DHX16: variants seen among roughly 807,000 people sequenced by gnomAD.
DHX16 encodes DEAH-box helicase 16.
DHX16 carries 81 observed loss-of-function variants against 131.2 expected under a neutral mutation model. That is an observed-to-expected ratio of 0.62 (90% CI 0.52 to 0.74). DHX16 has a LOEUF of 0.74. Among genes scored for constraint, DHX16 ranks in the 30% least tolerant of loss-of-function variants. The probability of loss-of-function intolerance (pLI) is 0.00; values close to 1 mark genes in which losing one functional copy is unlikely to be tolerated. For missense variants in DHX16, 980 were observed against 1,363.1 expected, an observed-to-expected ratio of 0.72 and a Z score of 4.43; for synonymous variants, 440 against 520.2, an observed-to-expected ratio of 0.85 and a Z score of 2.10.
intron 19 of DHX16, 123 bp downstream of exon 19, chr6:30,654,583 T>C: frequency 1.0e-6 from 1 of 968,050 alleles, no homozygotes; most frequent in Non-Finnish European, 1.5e-6. Context: ...GATGTCTTTC[T>C]ATTTTACCCT....
Position 30,655,199 on chromosome 6 carries a change from CT to C in DHX16, c.2798del (p.Gln933ArgfsTer22), listed in dbSNP as rs745434294. 1.3e-5 allele frequency: 21 copies of C among 1,614,164 alleles called. No individual in the cohort carries two copies. The highest frequency in any genetic ancestry group is 1.8e-5 in the Non-Finnish European group (21 of 1,180,016). ...CCTTGCGTACACGGATATAGTCCCCCTGGCAGGAACTGAGACCAACTTCCAC... is the reference window on the plus strand; with the variant it reads ...CCTTGCGTACACGGATATAGTCCCCCGGCAGGAACTGAGACCAACTTCCAC... ...ERVEVGLSSC[Q>X]GDYIRVRKAI... On this transcript the variant is annotated frameshift_variant, in exon 18 of 20. Coordinates refer to ENST00000376442, the MANE Select transcript of DHX16 (RefSeq NM_003587.5). LOFTEE classifies it high-confidence loss of function.
intron 4 of DHX16, among the ~76,000 whole-genome samples, chr6:30,666,809 T>TA (rs1292593576): frequency 4.6e-5 from 7 of 150,584 alleles, no homozygotes; most frequent in South Asian, 2.1e-4. Context: ...ACTGCATCTT[T>TA]AAAAAAAAAG....
At chr6:30,672,256 C>G (rs1268543317) in intron 1 of DHX16, among the ~76,000 whole-genome samples, 1 of 151,426 alleles carries the variant, frequency 6.6e-6, no homozygotes, top group Non-Finnish European at 1.5e-5. Flanking sequence ...GAGGTCGACG[C>G]TGTAGTGAGC....
Position 30,665,845 on chromosome 6 carries a change from A to AGAGTT in DHX16, c.667-113_667-112insAACTC. Reference sequence around the variant, plus strand: ...GACAGGCAGGCATGAGAACCTCAGGATGCACCCTCTACCTTCCCTCTGCAA... The same window carrying AGAGTT: ...GACAGGCAGGCATGAGAACCTCAGGAGAGTTTGCACCCTCTACCTTCCCTCTGCAA... On this transcript the variant is annotated intron_variant, in intron 4 of 19. Coordinates refer to ENST00000376442, the MANE Select transcript of DHX16 (RefSeq NM_003587.5). The surrounding 1 kb of genome is among the most constrained non-coding windows in gnomAD (Gnocchi z 4.8). 1 of 1,375,854 alleles carries AGAGTT rather than the reference A, an allele frequency of 7.3e-7. No homozygotes were observed. The highest frequency in any genetic ancestry group is 9.8e-7 in the Non-Finnish European group (1 of 1,023,908). The allele number at this position is 1,375,854 out of a possible 1,614,324, so 85.2% of individuals were successfully genotyped here. A position where few individuals can be genotyped will look rare whatever the true frequency, so the allele number is the denominator to read the frequency against.
rs1767871925 is a variant in DHX16 at position 30,655,266 on chromosome 6, G to A, written c.2732C>T (p.Ala911Val). ...NFVQFRSMRR[A>V]RDVREQLEGL... ...TTCCAGCTGTTCCCGCACATCCCGG[G>A]CTCGGCGCATCGATCTGAACTGTAC... Residue 911 changes from alanine to valine, a missense_variant, in exon 18 of 20, where the codon GCC becomes GTC. Around this residue, in one of 3 missense-constraint regions of DHX16, gnomAD observed 214 missense variants for 271.2 expected, o/e 0.79. Coordinates refer to ENST00000376442, the MANE Select transcript of DHX16 (RefSeq NM_003587.5). The A allele has an allele frequency of 1.2e-6, 2 of 1,614,060 alleles. No homozygotes were observed. Among genetic ancestry groups the A allele is most frequent in the Admixed American group, 1.7e-5 (1 of 59,998 alleles).
intron 19 of DHX16, among the ~76,000 whole-genome samples, chr6:30,653,836 A>G (rs1561963636): frequency 1.3e-5 from 2 of 152,234 alleles, no homozygotes; most frequent in Non-Finnish European, 2.9e-5. Flanking sequence ...AGTCTAGAAC[A>G]ACATGCCAGG....
Position 30,656,577 on chromosome 6 carries a change from C to G in DHX16, c.2311+20G>C. On this transcript the variant is annotated intron_variant, in intron 14 of 19. Coordinates refer to ENST00000376442, the MANE Select transcript of DHX16 (RefSeq NM_003587.5). The surrounding 1 kb of genome is among the most constrained non-coding windows in gnomAD (Gnocchi z 5.1). ...ACAGTGACTCCAGCCCCTCCCTCCT[C>G]TCTCAGGTAGCCCAATCACCTAAGC... 6.2e-7 allele frequency: 1 copy of G among 1,614,186 alleles called. No individual in the cohort carries two copies. The highest frequency in any genetic ancestry group is 1.6e-4 in the Middle Eastern group (1 of 6,062).
intron 12 of DHX16, among the ~76,000 whole-genome samples, chr6:30,658,963 T>C (rs941305699): frequency 2.0e-5 from 3 of 152,082 alleles, no homozygotes; most frequent in Non-Finnish European, 4.4e-5. Context: ...CTCAGCTCAC[T>C]GCAACCTCCT....
chr6:30,667,405 A>AC (rs1449359171), intron 4 of DHX16, among the ~76,000 whole-genome samples: 2 of 152,006 alleles, frequency 1.3e-5, no homozygotes, highest in African/African-American at 2.4e-5. Flanking sequence ...ACATGGTGAG[A>AC]CCCCATCTCT....
chr6:30,657,723 A>T (rs1403363486), intron 12 of DHX16, among the ~76,000 whole-genome samples: 1 of 151,562 alleles, frequency 6.6e-6, no homozygotes, highest in African/African-American at 2.4e-5. Context: ...TGTCTGGCAT[A>T]CTCTTCTCCC....
At position 30,662,758 on chromosome 6, in the gene DHX16, A is replaced by G; in HGVS notation, c.1429-16T>C. 1 of 1,610,190 alleles carries G rather than the reference A, an allele frequency of 6.2e-7. No individual in the cohort carries two copies. The highest frequency in any genetic ancestry group is 8.5e-7 in the Non-Finnish European group (1 of 1,178,052). On this transcript the variant is annotated splice_polypyrimidine_tract_variant and intron_variant, in intron 8 of 19. Coordinates refer to ENST00000376442, the MANE Select transcript of DHX16 (RefSeq NM_003587.5). This position sits in a 1 kb window ranked among gnomAD's most constrained non-coding sequence, Gnocchi z 4.7. ...TGTAGCCAACCTGGTCAAGGGAACC[A>G]TTAGCAACCAAGTGTGGGCTGGTGT...
Position 30,665,753 on chromosome 6 carries a change from T to C in DHX16, c.667-20A>G. Reference sequence around the variant, plus strand: ...AGGGACCTGAGTTGGGAAAGGACAGTCGAATCCTCATCTTGCTGGAGGAGC... The same window carrying C: ...AGGGACCTGAGTTGGGAAAGGACAGCCGAATCCTCATCTTGCTGGAGGAGC... On this transcript the variant is annotated intron_variant, in intron 4 of 19. Transcript: ENST00000376442. This position sits in a 1 kb window ranked among gnomAD's most constrained non-coding sequence, Gnocchi z 4.8. The C allele has an allele frequency of 6.2e-7, 1 of 1,600,094 alleles. No individual in the cohort carries two copies. The highest frequency in any genetic ancestry group is 8.5e-7 in the Non-Finnish European group (1 of 1,176,322).
In DHX16 at chr6:30,665,374, G is replaced by C. The variant is rs761349481; in HGVS notation, c.922-100C>G. The C allele has an allele frequency of 2.5e-6, 4 of 1,582,156 alleles. No individual in the cohort carries two copies. ...CCCCCGCCCACTGCCCATTGGGAAC[G>C]GCAAGGCAAGAAAGGGGATGACCCA... On this transcript the variant is annotated intron_variant, in intron 5 of 19. Transcript: ENST00000376442. The surrounding 1 kb of genome is among the most constrained non-coding windows in gnomAD (Gnocchi z 4.8).
At position 30,665,538 on chromosome 6, in the gene DHX16, C is replaced by T; in HGVS notation, c.862G>A (p.Glu288Lys). The change falls in exon 5 of 20, where the codon GAG becomes AAG. Residue 288 changes from glutamate to lysine, a missense_variant. Glu to Lys is a moderately conservative substitution (Grantham distance 56). This residue lies in a region of DHX16 where 457 missense variants were observed against 554.8 expected (regional missense o/e 0.82). Transcript: ENST00000376442. This position sits in a 1 kb window ranked among gnomAD's most constrained non-coding sequence, Gnocchi z 4.8. The stretch of plus-strand genomic sequence containing the variant: ...TTGGTGGCCTCCAGCTTCTCCTGCT[C>T]CCCAGCTGCCCGGTACTCCCGGGCG... ...DLAREYRAAG[E>K]QEKLEATNRY... 1 of 1,613,084 alleles carries T rather than the reference C, an allele frequency of 6.2e-7. No individual in the cohort carries two copies. The highest frequency in any genetic ancestry group is 8.5e-7 in the Non-Finnish European group (1 of 1,180,036).
intron 9 of DHX16, chr6:30,661,691 A>C: frequency 1.4e-6 from 1 of 705,906 alleles, no homozygotes; most frequent in Non-Finnish European, 2.6e-6. Flanking sequence ...GTGGCAGCCA[A>C]GTCCCAGGAA....
intron 1 of DHX16, 142 bp from the exon 2 acceptor site, chr6:30,671,416 C>A (rs577816694): frequency 3.9e-6 from 3 of 778,132 alleles, no homozygotes; most frequent in Middle Eastern, 3.3e-4. Context: ...GGCGTGATCT[C>A]GGCTCACTTC....
chr6:30,670,315 A>G lies in DHX16; in HGVS notation c.666+95T>C. The G allele has an allele frequency of 7.7e-7, 1 of 1,295,644 alleles. No individual in the cohort carries two copies. The highest frequency in any genetic ancestry group is 1.5e-5 in the African/African-American group (1 of 66,984). 80.3% of individuals were successfully genotyped at this position (1,295,644 alleles called of 1,614,324 possible). A position where few individuals can be genotyped will look rare whatever the true frequency, so the allele number is the denominator to read the frequency against. On this transcript the variant is annotated intron_variant, in intron 4 of 19. Transcript: ENST00000376442. This position sits in a 1 kb window ranked among gnomAD's most constrained non-coding sequence, Gnocchi z 4.4. The stretch of plus-strand genomic sequence containing the variant: ...ACCTGACCACCCCATCAGCATCCAC[A>G]CTGTGCTTCCTCTGTATCCTCTCTC...
At chr6:30,667,231 G>C (rs1381921579) in intron 4 of DHX16, among the ~76,000 whole-genome samples, 3 of 152,138 alleles carry the variant, frequency 2.0e-5, no homozygotes, top group Non-Finnish European at 4.4e-5. Flanking sequence ...TTGAGGAAAA[G>C]CTCTTCTTTA....
chr6:30,668,421 G>A (rs560064702), intron 4 of DHX16, among the ~76,000 whole-genome samples: 2 of 152,040 alleles, frequency 1.3e-5, no homozygotes, highest in Admixed American at 1.3e-4. Flanking sequence ...GAGACCGAGG[G>A]GGGTGGATCG....
Sources: allele counts gnomAD v4.1 joint callset (sites outside exome capture counted in the v4.1 genomes callset), GRCh38; gene constraint gnomAD v4.1.1; regional missense constraint gnomAD v4.1.1; non-coding constraint Gnocchi (gnomAD v3.1); transcripts MANE v1.5; gene names NCBI Gene and HGNC (gene_info 2026-07-23, HGNC 2026-07-21).